The following PCDHA1 variants were observed in gnomAD, a reference collection of about 807,000 sequenced individuals.
PCDHA1 encodes the protein protocadherin alpha 1, also known as protocadherin alpha-1.
In PCDHA1, 42 loss-of-function variants were observed where a neutral mutation model predicts 61.3. The ratio of observed to expected loss-of-function variants is 0.69; its 90% CI spans 0.54 to 0.89. PCDHA1 has a LOEUF of 0.89. Ranked by LOEUF, PCDHA1 falls within the 40% of genes least tolerant of loss-of-function variation. PCDHA1 has a pLI of 0.00. For synonymous variants in PCDHA1, 610 were observed against 553.8 expected (o/e 1.10, Z -1.43); for missense variants, 1,256 against 1,235.3 (o/e 1.02, Z -0.25).
chr5:140,876,493 C>T (rs1554168608), intron 1 of PCDHA1: 2 of 1,614,008 alleles, frequency 1.2e-6, no homozygotes, highest in Admixed American at 3.3e-5. Context: ...GGTGGAAGTT[C>T]TGGACGTGAA....
intron 1 of PCDHA1, chr5:140,884,052 G>A (rs200938440): frequency 8.7e-6 from 14 of 1,613,472 alleles, no homozygotes; most frequent in African/African-American, 4.0e-5. Context: ...GCGAAGGTGC[G>A]CGCGGTGGAC....
At chr5:140,902,206 T>TC (rs2069239214) in intron 1 of PCDHA1, among the ~76,000 whole-genome samples, 1 of 145,724 alleles carries the variant, frequency 6.9e-6, no homozygotes, top group South Asian at 2.1e-4. Flanking sequence ...TCTCTTTCTT[T>TC]TTTTTTTTTT....
At chr5:140,791,572 T>A (rs1761661024) in intron 1 of PCDHA1, among the ~76,000 whole-genome samples, 1 of 120,470 alleles carries the variant, frequency 8.3e-6, no homozygotes, top group Non-Finnish European at 1.8e-5. Context: ...AGATAAATTT[T>A]AAGAGGGGGG....
At chr5:140,901,515 T>C (rs1323018473) in intron 1 of PCDHA1, among the ~76,000 whole-genome samples, 1 of 152,178 alleles carries the variant, frequency 6.6e-6, no homozygotes, top group Non-Finnish European at 1.5e-5. Context: ...ATTATAGATA[T>C]GTGGATTTGT....
chr5:140,945,124 C>T (rs269553), intron 1 of PCDHA1, among the ~76,000 whole-genome samples: 48,193 of 151,846 alleles, frequency 0.32, 7,977 homozygotes, highest in East Asian at 0.53. Flanking sequence ...AAAAAATCAA[C>T]TTACAAAAAT....
At chr5:140,789,268 G>A (rs1181138227) in intron 1 of PCDHA1, among the ~76,000 whole-genome samples, 20 of 152,264 alleles carry the variant, frequency 1.3e-4, no homozygotes, top group Non-Finnish European at 5.9e-5. Flanking sequence ...TGGACAACAT[G>A]GTGAAACCCC....
intron 1 of PCDHA1, chr5:140,848,197 A>G: frequency 3.2e-6 from 1 of 310,898 alleles, no homozygotes; most frequent in Middle Eastern, 9.7e-4. Flanking sequence ...TTCTGTTTCA[A>G]CAATCATTAC....
At chr5:140,932,114 G>A (rs2088047655) in intron 1 of PCDHA1, among the ~76,000 whole-genome samples, 1 of 151,738 alleles carries the variant, frequency 6.6e-6, no homozygotes. Context: ...ATTTCCAATT[G>A]ATAATATTTA....
chr5:140,822,820 A>T (rs2150119640), intron 1 of PCDHA1: 47 of 1,614,166 alleles, frequency 2.9e-5, no homozygotes, highest in Non-Finnish European at 3.9e-5. Context: ...TACCCCAGAG[A>T]TGGCCATAAC....
At chr5:140,857,543 G>A (rs782244721) in intron 1 of PCDHA1, 2 of 1,597,220 alleles carry the variant, frequency 1.3e-6, no homozygotes, top group Admixed American at 3.4e-5. Context: ...GCGGCGGTTG[G>A]GCGAGCGCTC....
At chr5:140,905,958 G>T (rs1554192269) in intron 1 of PCDHA1, among the ~76,000 whole-genome samples, 1 of 152,184 alleles carries the variant, frequency 6.6e-6, no homozygotes, top group Non-Finnish European at 1.5e-5. Context: ...GATGTTCAAG[G>T]GGAGGAAGAT....
At chr5:140,803,498 C>G (rs1390487927) in intron 1 of PCDHA1, 6 of 1,614,076 alleles carry the variant, frequency 3.7e-6, no homozygotes, top group South Asian at 3.3e-5. Context: ...TGCCCAAGAC[C>G]GACCTCATGG....
chr5:140,934,043 G>A (rs1241698438), intron 1 of PCDHA1, among the ~76,000 whole-genome samples: 1 of 151,818 alleles, frequency 6.6e-6, no homozygotes, highest in African/African-American at 2.4e-5. Context: ...AATGATATTA[G>A]TCTTTCCAAG....
At chr5:140,841,453 C>A (rs2150315811) in intron 1 of PCDHA1, 1 of 1,612,918 alleles carries the variant, frequency 6.2e-7, no homozygotes, top group South Asian at 1.1e-5. Flanking sequence ...ACGGCACCTT[C>A]GTGGGCCGGA....
chr5:140,800,345 T>C (rs1173690584), intron 1 of PCDHA1, among the ~76,000 whole-genome samples: 1 of 152,064 alleles, frequency 6.6e-6, no homozygotes, highest in Admixed American at 6.5e-5. Context: ...AGGCTATAGT[T>C]CTTGAAAAAG....
intron 1 of PCDHA1, among the ~76,000 whole-genome samples, chr5:140,931,490 C>T (rs1209591038): frequency 6.6e-6 from 1 of 151,888 alleles, no homozygotes; most frequent in Non-Finnish European, 1.5e-5. Flanking sequence ...ACCCTTCAAA[C>T]CAAATTTTTA....
intron 1 of PCDHA1, chr5:140,796,716 G>T (rs782715771): frequency 6.2e-6 from 10 of 1,613,932 alleles, no homozygotes; most frequent in Non-Finnish European, 6.8e-6. Flanking sequence ...TGCCGTGGTC[G>T]GTGGGTGCAG....
At chr5:140,830,407 T>C in intron 1 of PCDHA1, 4 of 1,614,170 alleles carry the variant, frequency 2.5e-6, no homozygotes, top group South Asian at 2.2e-5. Flanking sequence ...TCATGGCCTT[T>C]AGCCCCAGCC....
chr5:140,970,373 C>T (rs1554232421), intron 1 of PCDHA1, among the ~76,000 whole-genome samples: 2 of 152,250 alleles, frequency 1.3e-5, no homozygotes, highest in East Asian at 1.9e-4. Context: ...GCTATAGCTT[C>T]AAAAGGCTGG....
Sources: gnomAD v4.1 joint callset for allele counts (sites outside exome capture counted in the v4.1 genomes callset) on GRCh38, gnomAD v4.1.1 for gene constraint, MANE v1.5 for transcripts, NCBI Gene and HGNC (gene_info 2026-07-23, HGNC 2026-07-21) for gene names.